RDH13: variants seen among roughly 807,000 people sequenced by gnomAD.
RDH13 encodes the protein retinol dehydrogenase 13.
In RDH13, 35 loss-of-function variants were observed where a neutral mutation model predicts 28.3. That is an observed-to-expected ratio of 1.24 (90% CI 0.95 to 1.64). The LOEUF (loss-of-function observed/expected upper bound fraction) is 1.64, where lower values mean the gene tolerates loss of function less well. RDH13 is among the 40% of genes most tolerant of loss of function. RDH13 has a pLI of 0.00. For synonymous variants in RDH13, 229 were observed against 198.5 expected (o/e 1.15, Z -1.29); for missense variants, 514 against 446.3 (o/e 1.15, Z -1.37).
At chr19:55,061,371 C>T (rs566690766) in intron 1 of RDH13, among the ~76,000 whole-genome samples, 1 of 151,924 alleles carries the variant, frequency 6.6e-6, no homozygotes, top group Non-Finnish European at 1.5e-5. Context: ...CCTTGTGATC[C>T]GCCTGCCTTG....
intron 6 of RDH13, among the ~76,000 whole-genome samples, chr19:55,046,144 G>A (rs1406487707): frequency 1.3e-5 from 2 of 151,004 alleles, no homozygotes; most frequent in African/African-American, 2.4e-5. Flanking sequence ...TACTTTGGGA[G>A]GCTGAGACAG....
intron 5 of RDH13, 126 bp from the exon 6 acceptor site, chr19:55,047,614 C>T: frequency 1.4e-6 from 2 of 1,422,294 alleles, no homozygotes; most frequent in Non-Finnish European, 1.9e-6. Context: ...CCCCATCGTC[C>T]CTCTTGCTCT....
intron 3 of RDH13, among the ~76,000 whole-genome samples, chr19:55,049,463 C>T (rs1055810269): frequency 2.0e-5 from 3 of 152,132 alleles, no homozygotes; most frequent in Non-Finnish European, 2.9e-5. Context: ...GCTCGGGTTC[C>T]GTAACAAAGT....
chr19:55,047,250 CTG>C, intron 6 of RDH13, 135 bp downstream of exon 6: 1 of 1,451,008 alleles, frequency 6.9e-7, no homozygotes, highest in East Asian at 2.5e-5. Flanking sequence ...GACCTGTGCT[CTG>C]TGCCTCAGAA....
At chr19:55,057,108 G>A (rs760883581) in intron 2 of RDH13, among the ~76,000 whole-genome samples, 1 of 152,118 alleles carries the variant, frequency 6.6e-6, no homozygotes, top group Non-Finnish European at 1.5e-5. Flanking sequence ...AACCAGACAC[G>A]AAAGACCACA....
chr19:55,062,884 G>T, intron 1 of RDH13, 84 bp downstream of exon 1: 1 of 1,198,650 alleles, frequency 8.3e-7, no homozygotes, highest in South Asian at 1.9e-5. Flanking sequence ...ACCCGGGTGC[G>T]AGGGGCGGGG....
At position 55,057,717 on chromosome 19, in the gene RDH13, A is replaced by T. The variant is rs141181266; in HGVS notation, c.185-909T>A. Among the ~76,000 whole-genome samples the T allele has an allele frequency of 3.8e-3, 585 of 152,136 alleles. 5 individuals are homozygous for T. Among genetic ancestry groups the T allele is most frequent in the African/African-American group, 0.013 (546 of 41,530 alleles). ...TCCCAAAGTACTGGGATTACAAATA[A>T]GCCACAATGCCCAGCCTCCAATTTT... On this transcript the variant is annotated intron_variant, in intron 2 of 6. Transcript: ENST00000415061.
At chr19:55,052,878 G>A (rs1292248819) in intron 3 of RDH13, among the ~76,000 whole-genome samples, 2 of 151,740 alleles carry the variant, frequency 1.3e-5, no homozygotes, top group East Asian at 2.0e-4. Context: ...TGGCCAGGAT[G>A]GTCTCGATCT....
intron 6 of RDH13, chr19:55,046,991 G>T: frequency 2.9e-6 from 1 of 341,018 alleles, no homozygotes; most frequent in Non-Finnish European, 4.5e-6. Context: ...CCCCCCCAGT[G>T]ACTGTGAGGT....
chr19:55,064,607 G>A (rs904896619), upstream of RDH13, among the ~76,000 whole-genome samples: 2 of 151,060 alleles, frequency 1.3e-5, no homozygotes, highest in African/African-American at 4.9e-5. Flanking sequence ...GTTTTTGTTT[G>A]TTTGTTTGTT....
downstream of RDH13, chr19:55,041,628 G>C (rs1206833889): frequency 1.3e-5 from 2 of 152,258 alleles, no homozygotes; most frequent in African/African-American, 4.8e-5. Flanking sequence ...TTCCTTGAGA[G>C]AACTGTACTC....
At chr19:55,054,633 A>T (rs1954340705) in intron 3 of RDH13, among the ~76,000 whole-genome samples, 1 of 152,160 alleles carries the variant, frequency 6.6e-6, no homozygotes, top group Non-Finnish European at 1.5e-5. Flanking sequence ...CAGTGGCACA[A>T]ATACGGCTCA....
Position 55,063,061 on chromosome 19 carries a change from A to AGGCGTCAGGCGACC in RDH13, c.-30_-29insGGTCGCCTGACGCC. On this transcript the variant is annotated 5_prime_UTR_variant, in exon 1 of 7. Transcript: ENST00000415061. ...GGGCCGGGGACAGGCGTCAGGCGTC[A>AGGCGTCAGGCGACC]GGGGTCGGCGCGGAGCTTGCTGCAC... The AGGCGTCAGGCGACC allele has an allele frequency of 7.6e-7, 1 of 1,307,704 alleles. No homozygotes were observed. The highest frequency in any genetic ancestry group is 9.9e-7 in the Non-Finnish European group (1 of 1,015,154). 81.0% of individuals were successfully genotyped at this position (1,307,704 alleles called of 1,614,324 possible).
At chr19:55,047,973 C>T (rs2075293349) in intron 5 of RDH13, 1 of 1,159,320 alleles carries the variant, frequency 8.6e-7, no homozygotes, top group African/African-American at 1.6e-5. Flanking sequence ...AATCTCTCCC[C>T]AAGCCAGCTG....
chr19:55,059,309 G>C, intron 1 of RDH13, 34 bp from the exon 2 acceptor site: 1 of 1,432,114 alleles, frequency 7.0e-7, no homozygotes, highest in Non-Finnish European at 9.6e-7. Flanking sequence ...CAGTCCTGTG[G>C]GCCCACTCTC....
chr19:55,045,517 C>T (rs1274259740), intron 6 of RDH13, among the ~76,000 whole-genome samples: 2 of 152,138 alleles, frequency 1.3e-5, no homozygotes, highest in Non-Finnish European at 2.9e-5. Context: ...AAAGCTGCCT[C>T]CCCCAAGGAG....
At chr19:55,039,961 T>C (rs1041021421), downstream of RDH13, among the ~76,000 whole-genome samples, 2 of 152,208 alleles carry the variant, frequency 1.3e-5, no homozygotes, top group African/African-American at 4.8e-5. Context: ...ATTGTGCCGC[T>C]TATCTGAGGT....
At chr19:55,049,118 C>G (rs967582923) in intron 3 of RDH13, among the ~76,000 whole-genome samples, 1 of 152,148 alleles carries the variant, frequency 6.6e-6, no homozygotes, top group Non-Finnish European at 1.5e-5. Flanking sequence ...CACAGGGACA[C>G]CGCGATTCAG....
At chr19:55,056,507 A>C in intron 3 of RDH13, 146 bp downstream of exon 3, 1 of 950,208 alleles carries the variant, frequency 1.1e-6, no homozygotes, top group Non-Finnish European at 1.5e-6. Context: ...AGGCTGTACA[A>C]AAAAAGGCAG....
Sources: gnomAD v4.1 joint callset for allele counts (sites outside exome capture counted in the v4.1 genomes callset) on GRCh38, gnomAD v4.1.1 for gene constraint, MANE v1.5 for transcripts, NCBI Gene and HGNC (gene_info 2026-07-23, HGNC 2026-07-21) for gene names.